Variants in PSMC2 observed in about 807,000 individuals in gnomAD.
PSMC2 encodes 26S proteasome regulatory subunit 7.
In PSMC2, 7 loss-of-function variants were observed where a neutral mutation model predicts 53.3. The ratio of observed to expected loss-of-function variants is 0.13; its 90% CI spans 0.07 to 0.25. PSMC2 has a LOEUF of 0.25. PSMC2 is among the 10% of genes least tolerant of loss of function. The probability of loss-of-function intolerance (pLI) is 1.00; values close to 1 mark genes in which losing one functional copy is unlikely to be tolerated. For missense variants in PSMC2, 241 were observed against 544.0 expected (o/e 0.44, Z 5.54); for synonymous variants, 169 against 183.9 (o/e 0.92, Z 0.66).
intron 1 of PSMC2, among the ~76,000 whole-genome samples, 192 bp from the exon 2 acceptor site, chr7:103,353,729 T>C (rs1819862639): frequency 6.6e-6 from 1 of 152,202 alleles, no homozygotes; most frequent in South Asian, 2.1e-4. Flanking sequence ...AAACCTATTT[T>C]CCTCCCAGTT....
rs558519530 is a variant in PSMC2, at chr7:103,347,746, C to T, written c.35C>T (p.Thr12Ile). ...TACCTCGGTGCCGATCAGCGGAAGA[C>T]CAAAGAGGATGAGAAGGACGACAAG... ...PDYLGADQRKTKEDEKDDKPI... is the reference protein window; with the variant it reads ...PDYLGADQRKIKEDEKDDKPI... Residue 12 changes from threonine to isoleucine, a missense_variant, in exon 1 of 12, where the codon ACC becomes ATC. Thr to Ile is a moderately conservative substitution (Grantham distance 89). Transcript: ENST00000292644. 4.3e-6 allele frequency: 7 copies of T among 1,613,896 alleles called. No homozygotes were observed. In the East Asian group the frequency reaches 1.1e-4, roughly 26 times the overall value.
chr7:103,349,143 CCTTT>C (rs1049871197), intron 1 of PSMC2, among the ~76,000 whole-genome samples: 4 of 152,056 alleles, frequency 2.6e-5, no homozygotes, highest in African/African-American at 9.7e-5. Context: ...CTTACTTTTC[CCTTT>C]CTTAACAACT....
At chr7:103,362,835 C>A in intron 6 of PSMC2, 77 bp downstream of exon 6, 1 of 1,130,786 alleles carries the variant, frequency 8.8e-7, no homozygotes, top group Non-Finnish European at 1.3e-6. Flanking sequence ...TCACTCTTGT[C>A]CAGGCTGGAG....
At chr7:103,351,559 C>T (rs1819738594) in intron 1 of PSMC2, among the ~76,000 whole-genome samples, 1 of 152,134 alleles carries the variant, frequency 6.6e-6, no homozygotes, top group Admixed American at 6.5e-5. Flanking sequence ...CTGCATAAAC[C>T]CTGTAGTTTG....
At chr7:103,361,206 G>A (rs531368089) in intron 4 of PSMC2, among the ~76,000 whole-genome samples, 11 of 151,888 alleles carry the variant, frequency 7.2e-5, no homozygotes, top group South Asian at 6.2e-4. Flanking sequence ...TTTAAAGTCC[G>A]GGTGTGGTGG....
At chr7:103,355,821 AC>A in intron 4 of PSMC2, 28 bp downstream of exon 4, 1 of 1,499,462 alleles carries the variant, frequency 6.7e-7, no homozygotes, top group Admixed American at 1.7e-5. Context: ...GTGGCAACTT[AC>A]CTTTGTCTGT....
chr7:103,368,192 AGGT>A lies in PSMC2; in HGVS notation c.*140_*142del. The A allele has an allele frequency of 1.3e-6, 1 of 796,238 alleles. No individual in the cohort carries two copies. Among genetic ancestry groups the A allele is most frequent in the Admixed American group, 3.2e-5 (1 of 31,222 alleles). The allele number at this position is 796,238 out of a possible 1,614,324, so 49.3% of individuals were successfully genotyped here. On this transcript the variant is annotated 3_prime_UTR_variant, in exon 12 of 12. Coordinates refer to ENST00000292644, the MANE Select transcript of PSMC2 (RefSeq NM_002803.4). ...ATATCTCTTCTTGTAATATAATAAA[AGGT>A]GATTTCTAATGTTATTAGGCAGAAA...
Position 103,347,800 on chromosome 7 carries a change from G to T in PSMC2, c.70+19G>T. ...ATCCGAGGTCAGTTGACATGGGCCG[G>T]AGCTCGGAGCTGGGGCGGGACTGGA... On this transcript the variant is annotated intron_variant, in intron 1 of 11. Coordinates refer to ENST00000292644, the MANE Select transcript of PSMC2 (RefSeq NM_002803.4). The T allele has an allele frequency of 1.2e-6, 2 of 1,613,578 alleles. No homozygotes were observed. Among genetic ancestry groups the T allele is most frequent in the South Asian group, 2.2e-5 (2 of 91,046 alleles).
rs995801661 is a variant in PSMC2, at chr7:103,361,529, A to G, written c.291-428A>G. Among the ~76,000 whole-genome samples, 292 of 151,232 alleles carry G rather than the reference A, an allele frequency of 1.9e-3. 2 individuals carry two copies. The highest frequency in any genetic ancestry group is 0.016 in the South Asian group (77 of 4,798). On this transcript the variant is annotated intron_variant, in intron 4 of 11. Transcript: ENST00000292644. Reference sequence around the variant, plus strand: ...CCATCTCAAAAAAAAAAAAAAAAAAAAAAAGAAAAACGGATTTAAAGTATA... The same window carrying G: ...CCATCTCAAAAAAAAAAAAAAAAAAGAAAAGAAAAACGGATTTAAAGTATA...
chr7:103,363,388 T>C lies in PSMC2; in HGVS notation c.540T>C (p.Cys180=), dbSNP rs772310528. The C allele has an allele frequency of 3.7e-6, 6 of 1,614,074 alleles. No homozygotes were observed. In the South Asian group the frequency reaches 6.6e-5, roughly 18 times the overall value. Residue 180 remains cysteine (C), a synonymous_variant, in exon 7 of 12, where the codon TGT becomes TGC. Coordinates refer to ENST00000292644, the MANE Select transcript of PSMC2 (RefSeq NM_002803.4). The part of the protein sequence containing the change: ...PDVTYSDVGG[C]KEQIEKLREV... Reference sequence around the variant, plus strand: ...TCACATACAGTGATGTTGGTGGCTGTAAGGAACAGATTGAGAAACTGCGAG... The same window carrying C: ...TCACATACAGTGATGTTGGTGGCTGCAAGGAACAGATTGAGAAACTGCGAG...
chr7:103,364,970 TA>T (rs1467134573), intron 8 of PSMC2, among the ~76,000 whole-genome samples: 11 of 144,466 alleles, frequency 7.6e-5, no homozygotes, highest in African/African-American at 2.8e-4. Context: ...TATATATATA[TA>T]TATATATATA....
chr7:103,347,655 G>T lies in PSMC2; in HGVS notation c.-57G>T. On this transcript the variant is annotated 5_prime_UTR_variant, in exon 1 of 12. Transcript: ENST00000292644. ...GGAAGGGAAAGGGAAGACACCACCG[G>T]AAGCAAGGAAGGTGCTGTGTAATCA... 6.3e-7 allele frequency: 1 copy of T among 1,598,276 alleles called. No homozygotes were observed. The highest frequency in any genetic ancestry group is 1.1e-5 in the South Asian group (1 of 90,672).
At chr7:103,364,882 C>T (rs1029756427) in intron 8 of PSMC2, among the ~76,000 whole-genome samples, 3 of 149,712 alleles carry the variant, frequency 2.0e-5, no homozygotes, top group African/African-American at 7.4e-5. Context: ...AAAAAGTATA[C>T]TTTTACTTCA....
intron 1 of PSMC2, among the ~76,000 whole-genome samples, chr7:103,350,528 G>A (rs1015018376): frequency 2.0e-5 from 3 of 151,990 alleles, no homozygotes; most frequent in Non-Finnish European, 4.4e-5. Context: ...TTGCACTGTC[G>A]CTCAAGCTGG....
intron 1 of PSMC2, among the ~76,000 whole-genome samples, chr7:103,348,408 C>G (rs939597505): frequency 6.6e-6 from 1 of 152,092 alleles, no homozygotes; most frequent in Non-Finnish European, 1.5e-5. Flanking sequence ...ACTTCAACAT[C>G]TTGATTTTTA....
intron 2 of PSMC2, 113 bp downstream of exon 2, chr7:103,354,071 A>T (rs928465481): frequency 7.7e-6 from 6 of 780,000 alleles, no homozygotes; most frequent in Non-Finnish European, 1.2e-5. Context: ...AAATTAAAAA[A>T]CCAAACAAAA....
intron 1 of PSMC2, chr7:103,352,658 G>C: frequency 1.9e-6 from 1 of 534,318 alleles, no homozygotes; most frequent in South Asian, 2.0e-5. Context: ...GCCTGTCTCG[G>C]CCTGGGATTA....
At chr7:103,350,428 A>G (rs1819702150) in intron 1 of PSMC2, among the ~76,000 whole-genome samples, 1 of 152,200 alleles carries the variant, frequency 6.6e-6, no homozygotes, top group Admixed American at 6.5e-5. Context: ...ACGGTGTCTC[A>G]TACAGTGATC....
chr7:103,359,617 A>G (rs1820260236), intron 4 of PSMC2, among the ~76,000 whole-genome samples: 1 of 152,194 alleles, frequency 6.6e-6, no homozygotes, highest in African/African-American at 2.4e-5. Context: ...GCATATTTCA[A>G]GGTTCATCCG....
Sources: gnomAD v4.1 joint callset for allele counts (sites outside exome capture counted in the v4.1 genomes callset) on GRCh38, gnomAD v4.1.1 for gene constraint, MANE v1.5 for transcripts, NCBI Gene and HGNC (gene_info 2026-07-23, HGNC 2026-07-21) for gene names.